Variants in COL25A1 observed in about 807,000 individuals in gnomAD.
COL25A1 encodes collagen alpha-1(XXV) chain.
In COL25A1, 103 loss-of-function variants were observed where a neutral mutation model predicts 128.4. The ratio of observed to expected loss-of-function variants is 0.80; its 90% CI spans 0.68 to 0.94. The LOEUF (loss-of-function observed/expected upper bound fraction) is 0.94. Ranked by LOEUF, COL25A1 falls within the 40% of genes least tolerant of loss-of-function variation. The pLI, the probability that COL25A1 is intolerant of heterozygous loss-of-function variation, is 0.00. For synonymous variants in COL25A1, 279 were observed against 277.2 expected (o/e 1.01, Z -0.06); for missense variants, 745 against 840.0 (o/e 0.89, Z 1.40).
rs10642927 is a variant in COL25A1 at position 109,225,996 on chromosome 4, T to TACACAC, written c.367+74581_367+74586dup. Among the ~76,000 whole-genome samples, 395 of 147,058 alleles carry TACACAC rather than the reference T, an allele frequency of 2.7e-3. 2 individuals carry two copies. Among genetic ancestry groups the TACACAC allele is most frequent in the East Asian group, 0.023 (115 of 5,044 alleles). ...CAATAGTATTCCGTTGTATTTGTAA[T>TACACAC]ACACACACACACACACACACACACA... On this transcript the variant is annotated intron_variant, in intron 3 of 37. Coordinates refer to ENST00000399132, the MANE Select transcript of COL25A1 (RefSeq NM_198721.4).
intron 3 of COL25A1, among the ~76,000 whole-genome samples, chr4:109,167,286 T>C (rs1400194642): frequency 1.3e-5 from 2 of 152,270 alleles, no homozygotes; most frequent in Admixed American, 6.5e-5. Context: ...CTAGGCAATA[T>C]ATGGCTGCAA....
At chr4:108,971,641 G>T (rs555770827) in intron 8 of COL25A1, among the ~76,000 whole-genome samples, 1 of 152,268 alleles carries the variant, frequency 6.6e-6, no homozygotes, top group Admixed American at 6.5e-5. Context: ...AGTGTGAGAT[G>T]AACTGGTGGG....
rs374660756 is a variant in COL25A1 at position 108,901,180 on chromosome 4, T to C, written c.781-8A>G. On this transcript the variant is annotated splice_region_variant and splice_polypyrimidine_tract_variant and intron_variant, in intron 13 of 37. Transcript: ENST00000399132. ...AGGCAACCCGGGCTCACCCTCAAAA[T>C]AGAAAAATAGATACTACTAAGTAAA... 8 of 1,601,516 alleles carry C rather than the reference T, an allele frequency of 5.0e-6. No individual in the cohort carries two copies. In the African/African-American group the frequency reaches 5.4e-5, roughly 11 times the overall value.
intron 5 of COL25A1, among the ~76,000 whole-genome samples, chr4:109,027,701 C>T (rs1253588104): frequency 6.6e-6 from 1 of 151,576 alleles, no homozygotes; most frequent in African/African-American, 2.4e-5. Context: ...AAAAAGTGGT[C>T]AGTTTCTGGT....
intron 3 of COL25A1, among the ~76,000 whole-genome samples, chr4:109,067,551 C>A (rs1762555613): frequency 1.3e-5 from 2 of 152,176 alleles, no homozygotes; most frequent in South Asian, 4.1e-4. Flanking sequence ...AATTTTGTTT[C>A]ATCGTGTTGG....
chr4:108,855,128 T>C (rs1442654220), intron 24 of COL25A1, among the ~76,000 whole-genome samples: 1 of 151,730 alleles, frequency 6.6e-6, no homozygotes, highest in African/African-American at 2.4e-5. Flanking sequence ...TAGGTATCAG[T>C]TGAACACCAT....
intron 3 of COL25A1, among the ~76,000 whole-genome samples, chr4:109,202,519 T>C (rs900992400): frequency 6.6e-6 from 1 of 151,524 alleles, no homozygotes; most frequent in African/African-American, 2.4e-5. Context: ...TCCTAGAAAA[T>C]AACACAGGAG....
chr4:109,171,890 C>G (rs1773624425), intron 3 of COL25A1, among the ~76,000 whole-genome samples: 1 of 152,168 alleles, frequency 6.6e-6, no homozygotes, highest in Admixed American at 6.5e-5. Flanking sequence ...AAGTCCAGGC[C>G]TTTGTTTAAA....
At chr4:109,017,589 A>T (rs528736821) in intron 5 of COL25A1, among the ~76,000 whole-genome samples, 1 of 152,322 alleles carries the variant, frequency 6.6e-6, no homozygotes, top group East Asian at 1.9e-4. Flanking sequence ...TGGATGGTAA[A>T]TCTGTGTCTT....
At chr4:108,850,139 T>G (rs552958612) in intron 26 of COL25A1, among the ~76,000 whole-genome samples, 27 of 152,268 alleles carry the variant, frequency 1.8e-4, no homozygotes, top group Admixed American at 7.9e-4. Flanking sequence ...AAAATATGAT[T>G]CACAAGTGTT....
At position 109,061,698 on chromosome 4, in the gene COL25A1, C is replaced by T. The variant is rs369487219; in HGVS notation, c.368-11519G>A. Among the ~76,000 whole-genome samples, 68 of 152,258 alleles carry T rather than the reference C, an allele frequency of 4.5e-4. No homozygotes were observed. In the East Asian group the frequency reaches 6.6e-3, roughly 15 times the overall value. On this transcript the variant is annotated intron_variant, in intron 3 of 37. Transcript: ENST00000399132. The stretch of plus-strand genomic sequence containing the variant: ...GGCCATTTAAAAAGACACTTGCAAT[C>T]GCCTAGCCTCCCCAACTGAGTTTCA...
At chr4:108,895,938 CTTTTTTT>C (rs35506597) in intron 16 of COL25A1, among the ~76,000 whole-genome samples, 3 of 70,794 alleles carry the variant, frequency 4.2e-5, no homozygotes, top group African/African-American at 1.1e-4. Context: ...TATAATCAAA[CTTTTTTT>C]TTTTTTTTTT....
intron 3 of COL25A1, among the ~76,000 whole-genome samples, chr4:109,295,964 A>AT (rs200412490): frequency 0.027 from 4,051 of 152,166 alleles, 74 homozygotes; most frequent in Middle Eastern, 0.045. Flanking sequence ...ACATTGAATG[A>AT]TTATCACAAA....
At chr4:108,982,285 G>A (rs898698697) in intron 6 of COL25A1, among the ~76,000 whole-genome samples, 3 of 152,152 alleles carry the variant, frequency 2.0e-5, no homozygotes, top group Non-Finnish European at 2.9e-5. Context: ...CTGGGGGGAC[G>A]GTGGAAATAT....
chr4:109,013,087 C>CTAAA (rs1756811774), intron 5 of COL25A1, among the ~76,000 whole-genome samples: 1 of 151,912 alleles, frequency 6.6e-6, no homozygotes, highest in Non-Finnish European at 1.5e-5. Flanking sequence ...TTACGTCTAG[C>CTAAA]TAAAGGATTG....
chr4:109,116,253 T>G (rs564507215), intron 3 of COL25A1, among the ~76,000 whole-genome samples: 2 of 152,154 alleles, frequency 1.3e-5, no homozygotes, highest in Non-Finnish European at 2.9e-5. Flanking sequence ...TGTCATGCTT[T>G]CAGATGAAGG....
At chr4:109,189,547 CAAA>C (rs33989375) in intron 3 of COL25A1, among the ~76,000 whole-genome samples, 3 of 53,602 alleles carry the variant, frequency 5.6e-5, no homozygotes. Flanking sequence ...GACTCCATCT[CAAA>C]AAAAAAAAAA....
chr4:109,251,426 T>C (rs893237795), intron 3 of COL25A1, among the ~76,000 whole-genome samples: 2 of 152,178 alleles, frequency 1.3e-5, no homozygotes, highest in Admixed American at 6.5e-5. Context: ...CCATTGACAT[T>C]AATCACAGGG....
At chr4:109,279,803 A>G (rs1480903563) in intron 3 of COL25A1, among the ~76,000 whole-genome samples, 1 of 152,124 alleles carries the variant, frequency 6.6e-6, no homozygotes, top group Non-Finnish European at 1.5e-5. Context: ...TCTACTATGT[A>G]TCTACATTTC....
Sources: gnomAD v4.1 joint callset for allele counts (sites outside exome capture counted in the v4.1 genomes callset) on GRCh38, gnomAD v4.1.1 for gene constraint, MANE v1.5 for transcripts, NCBI Gene and HGNC (gene_info 2026-07-23, HGNC 2026-07-21) for gene names.